The following UBE2H variants were observed in gnomAD, a reference collection of about 807,000 sequenced individuals.
UBE2H encodes the protein ubiquitin conjugating enzyme E2 H.
A neutral mutation model predicts 29.0 loss-of-function variants in UBE2H; 3 were observed. The observed-to-expected ratio is 0.10, with a 90% confidence interval of 0.05 to 0.27. The LOEUF is 0.27. Ranked by LOEUF, UBE2H falls within the 10% of genes least tolerant of loss-of-function variation. UBE2H has a pLI of 1.00. For synonymous variants in UBE2H, 69 were observed against 82.9 expected (o/e 0.83, Z 0.91); for missense variants, 68 against 228.2 (o/e 0.30, Z 4.52).
chr7:129,944,990 CAG>C (rs1807734522), intron 1 of UBE2H, among the ~76,000 whole-genome samples: 2 of 152,066 alleles, frequency 1.3e-5, no homozygotes, highest in South Asian at 4.2e-4. Context: ...GGGTGAATCT[CAG>C]AATTATAAGT....
chr7:129,905,033 A>T (rs920880073), intron 1 of UBE2H, among the ~76,000 whole-genome samples: 1 of 112,138 alleles, frequency 8.9e-6, no homozygotes, highest in African/African-American at 3.4e-5. Context: ...TCAGAGTTCA[A>T]CTCGAGATCA....
At chr7:129,835,927 G>C (rs148257312) in intron 6 of UBE2H, among the ~76,000 whole-genome samples, 1 of 152,274 alleles carries the variant, frequency 6.6e-6, no homozygotes, top group South Asian at 2.1e-4. Context: ...GGCCAAATGG[G>C]CCTACCAGAT....
chr7:129,935,414 GAAAAAAAA>G (rs77698999), intron 1 of UBE2H, among the ~76,000 whole-genome samples: 1 of 81,998 alleles, frequency 1.2e-5, no homozygotes, highest in Non-Finnish European at 2.6e-5. Flanking sequence ...CTGTCTCAAA[GAAAAAAAA>G]AAAAAAAACA....
At chr7:129,859,839 A>G (rs929614283) in intron 3 of UBE2H, among the ~76,000 whole-genome samples, 21 of 152,140 alleles carry the variant, frequency 1.4e-4, no homozygotes, top group Non-Finnish European at 2.9e-4. Flanking sequence ...GAGTATCACC[A>G]CCACTATCTC....
chr7:129,931,944 C>T (rs973987327), intron 1 of UBE2H, among the ~76,000 whole-genome samples: 2 of 151,582 alleles, frequency 1.3e-5, no homozygotes, highest in Admixed American at 1.3e-4. Context: ...ACTCCTCAGC[C>T]TCCCCAGTAA....
In UBE2H at chr7:129,881,088, A is replaced by T. The variant is rs921948086; in HGVS notation, c.54-117T>A. The T allele has an allele frequency of 4.3e-6, 3 of 701,478 alleles. No homozygotes were observed. In the East Asian group the frequency reaches 8.7e-5, roughly 20 times the overall value. 43.5% of individuals were successfully genotyped at this position (701,478 alleles called of 1,614,324 possible). On this transcript the variant is annotated intron_variant, in intron 1 of 6. Coordinates refer to ENST00000355621, the MANE Select transcript of UBE2H (RefSeq NM_003344.4). ...CCAAAATTTGGCATGACATTGATAA[A>T]ATATACATAATAATTCTGGTAGTTT... is the stretch of plus-strand genomic sequence containing the variant.
rs922871434 is a variant in UBE2H, at chr7:129,832,726, C to G, written c.*2211G>C. The G allele has an allele frequency of 8.6e-5, 13 of 151,958 alleles. No individual in the cohort carries two copies. Among genetic ancestry groups the G allele is most frequent in the African/African-American group, 3.1e-4 (13 of 41,388 alleles). 9.4% of individuals were successfully genotyped at this position (151,958 alleles called of 1,614,324 possible). On this transcript the variant is annotated 3_prime_UTR_variant, in exon 7 of 7. Transcript: ENST00000355621. ...GGTCTATTCAGTTTTTTGACAAGAT[C>G]AAAAGCAATTCTTAACTGGTCATTA... is the stretch of plus-strand genomic sequence containing the variant.
intron 3 of UBE2H, among the ~76,000 whole-genome samples, chr7:129,878,968 A>G (rs1416680251): frequency 6.6e-6 from 1 of 152,178 alleles, no homozygotes; most frequent in Admixed American, 6.5e-5. Context: ...GAGTGCCTCA[A>G]TGGGGGTGAC....
Position 129,894,093 on chromosome 7 carries a change from T to G in UBE2H, c.54-13122A>C, listed in dbSNP as rs565477476. Among the ~76,000 whole-genome samples the G allele has an allele frequency of 6.2e-4, 94 of 152,284 alleles. 1 individual carries two copies. In the South Asian group the frequency reaches 0.017, roughly 27 times the overall value. ...CTGCTTGAGCCTGGGAGGCAGAGGT[T>G]GTGGTGAGCTGAGATCGTGCCACTG... On this transcript the variant is annotated intron_variant, in intron 1 of 6. Transcript: ENST00000355621.
chr7:129,907,860 G>GA (rs1342764505), intron 1 of UBE2H, among the ~76,000 whole-genome samples: 1 of 151,996 alleles, frequency 6.6e-6, no homozygotes, highest in African/African-American at 2.4e-5. Context: ...ATACAGGCTG[G>GA]AAAAAAAGTC....
At chr7:129,835,450 T>C (rs1805305569) in intron 6 of UBE2H, among the ~76,000 whole-genome samples, 1 of 152,172 alleles carries the variant, frequency 6.6e-6, no homozygotes, top group Non-Finnish European at 1.5e-5. Context: ...AGGAAATCCT[T>C]CATCATTTTT....
At chr7:129,874,067 AT>A (rs2116356122) in intron 3 of UBE2H, among the ~76,000 whole-genome samples, 1 of 152,286 alleles carries the variant, frequency 6.6e-6, no homozygotes, top group East Asian at 1.9e-4. Flanking sequence ...TCTTAAAGTT[AT>A]TTACAAAAGA....
chr7:129,927,594 G>A (rs938633254), intron 1 of UBE2H, among the ~76,000 whole-genome samples: 3 of 152,044 alleles, frequency 2.0e-5, no homozygotes, highest in African/African-American at 7.2e-5. Flanking sequence ...ATAAAATGTG[G>A]TATGTAATAC....
At chr7:129,885,487 G>A (rs975595171) in intron 1 of UBE2H, among the ~76,000 whole-genome samples, 2 of 151,608 alleles carry the variant, frequency 1.3e-5, no homozygotes, top group Non-Finnish European at 2.9e-5. Flanking sequence ...GATAAAACGA[G>A]GTTCCTTCCA....
chr7:129,893,423 A>G (rs1289603797), intron 1 of UBE2H, among the ~76,000 whole-genome samples: 1 of 152,224 alleles, frequency 6.6e-6, no homozygotes, highest in Non-Finnish European at 1.5e-5. Context: ...TATCAGAAAG[A>G]TAAGAAATCT....
intron 1 of UBE2H, among the ~76,000 whole-genome samples, chr7:129,888,165 AG>A (rs1212632929): frequency 6.6e-6 from 1 of 152,236 alleles, no homozygotes; most frequent in Non-Finnish European, 1.5e-5. Context: ...AAAATTTTTA[AG>A]GGTTTTTAAT....
chr7:129,867,723 C>CAAAAAAAAAAAA (rs1563027569), intron 3 of UBE2H, among the ~76,000 whole-genome samples: 1 of 65,562 alleles, frequency 1.5e-5, no homozygotes, highest in African/African-American at 7.1e-5. Context: ...AAAAAGAAAA[C>CAAAAAAAAAAAA]CAAAAAAAAA....
chr7:129,893,830 A>G (rs764321005), intron 1 of UBE2H, among the ~76,000 whole-genome samples: 1 of 152,216 alleles, frequency 6.6e-6, no homozygotes, highest in Non-Finnish European at 1.5e-5. Flanking sequence ...GCTAAATAGT[A>G]TATTACTCTC....
chr7:129,911,326 C>T (rs1806931908), intron 1 of UBE2H, among the ~76,000 whole-genome samples: 1 of 150,776 alleles, frequency 6.6e-6, no homozygotes, highest in African/African-American at 2.4e-5. Flanking sequence ...TGAGATCACA[C>T]CATTGCACCA....
Sources: allele counts gnomAD v4.1 joint callset (sites outside exome capture counted in the v4.1 genomes callset), GRCh38; gene constraint gnomAD v4.1.1; transcripts MANE v1.5; gene names NCBI Gene and HGNC (gene_info 2026-07-23, HGNC 2026-07-21).